IL7: variants seen among roughly 807,000 people sequenced by gnomAD.
IL7 encodes interleukin-7.
A neutral mutation model predicts 21.6 loss-of-function variants in IL7; 3 were observed. The observed-to-expected ratio is 0.14, with a 90% CI of 0.06 to 0.36. The LOEUF is 0.36. IL7 is among the 10% of genes least tolerant of loss of function. The probability of loss-of-function intolerance (pLI) is 1.00; values close to 1 mark genes in which losing one functional copy is unlikely to be tolerated. For synonymous variants in IL7, 62 were observed against 68.1 expected, an observed-to-expected ratio of 0.91 and a Z score of 0.44; for missense variants, 175 against 200.2, an observed-to-expected ratio of 0.87 and a Z score of 0.76.
At chr8:78,736,328 G>A (rs1441201956) in intron 5 of IL7, 146 bp downstream of exon 5, 11 of 472,318 alleles carry the variant, frequency 2.3e-5, no homozygotes, top group Admixed American at 4.2e-5. Context: ...AATTTTTGAG[G>A]GGCACCTCGC....
intron 3 of IL7, among the ~76,000 whole-genome samples, chr8:78,687,964 A>G (rs1031477288): frequency 6.9e-6 from 1 of 144,308 alleles, no homozygotes; most frequent in Non-Finnish European, 1.5e-5. Context: ...ATCTATATTT[A>G]TATATAAATA....
chr8:78,717,146 TAAAA>T (rs370508243), downstream of IL7, among the ~76,000 whole-genome samples: 254 of 151,450 alleles, frequency 1.7e-3, no homozygotes, highest in African/African-American at 5.4e-3. Context: ...AATATAATGT[TAAAA>T]AAAAATGTTA....
chr8:78,765,079 C>T (rs1237121519), intron 2 of IL7, among the ~76,000 whole-genome samples: 2 of 152,068 alleles, frequency 1.3e-5, no homozygotes, highest in African/African-American at 4.8e-5. Context: ...TAAAATGGAG[C>T]AGTCTCTTTT....
At chr8:78,692,868 C>G (rs1035161582) in intron 3 of IL7, among the ~76,000 whole-genome samples, 6 of 152,068 alleles carry the variant, frequency 3.9e-5, no homozygotes, top group African/African-American at 1.4e-4. Flanking sequence ...TCTCCTAATG[C>G]TATCCCTCCC....
chr8:78,774,435 T>A lies in IL7; in HGVS notation c.147+23637A>T, dbSNP rs189327132. 2.7e-4 allele frequency among the ~76,000 whole-genome samples: 41 copies of A among 152,274 alleles called. No homozygotes were observed. In the East Asian group the frequency reaches 7.5e-3, roughly 28 times the overall value. On this transcript the variant is annotated intron_variant, in intron 2 of 5. Transcript: ENST00000263851. Reference sequence around the variant, plus strand: ...ATCCCAAAAGTGTTTTGTACTAAATTTTATGTTAATAACAAAGGTGAACAT... The same window carrying A: ...ATCCCAAAAGTGTTTTGTACTAAATATTATGTTAATAACAAAGGTGAACAT...
At chr8:78,701,104 T>C (rs1262239881) in intron 3 of IL7, among the ~76,000 whole-genome samples, 4 of 152,242 alleles carry the variant, frequency 2.6e-5, no homozygotes, top group African/African-American at 9.6e-5. Context: ...TTTAACAATA[T>C]TGATTCTCCC....
At chr8:78,803,803 T>C (rs1814179817) in intron 1 of IL7, among the ~76,000 whole-genome samples, 1 of 152,206 alleles carries the variant, frequency 6.6e-6, no homozygotes, top group African/African-American at 2.4e-5. Flanking sequence ...AAGTCCTCCA[T>C]AATTACGTTG....
intron 2 of IL7, among the ~76,000 whole-genome samples, chr8:78,792,919 G>A (rs1813741321): frequency 6.6e-6 from 1 of 151,956 alleles, no homozygotes; most frequent in South Asian, 2.1e-4. Flanking sequence ...TGACTACTAG[G>A]AACATATCAA....
intron 3 of IL7, among the ~76,000 whole-genome samples, chr8:78,704,249 G>T (rs2130574337): frequency 6.6e-6 from 1 of 152,022 alleles, no homozygotes; most frequent in African/African-American, 2.4e-5. Context: ...TTAGCCGGGT[G>T]TGGTTGTGTG....
chr8:78,687,874 A>T (rs1218394451), intron 3 of IL7, among the ~76,000 whole-genome samples: 1 of 133,496 alleles, frequency 7.5e-6, no homozygotes, highest in Non-Finnish European at 1.6e-5. Flanking sequence ...CTATATAATA[A>T]ATATATATTT....
downstream of IL7, among the ~76,000 whole-genome samples, chr8:78,715,635 T>C (rs1483564020): frequency 6.6e-6 from 1 of 152,284 alleles, no homozygotes; most frequent in East Asian, 1.9e-4. Context: ...TTGAGGGACT[T>C]AAGACTTCAG....
intron 4 of IL7, chr8:78,679,359 C>G (rs912452214): frequency 1.3e-5 from 2 of 152,162 alleles, no homozygotes; most frequent in South Asian, 4.1e-4. Flanking sequence ...ACTCAAACTC[C>G]TTATGGCATA....
intron 3 of IL7, among the ~76,000 whole-genome samples, chr8:78,724,755 G>A (rs1811310809): frequency 1.3e-5 from 2 of 151,992 alleles, no homozygotes; most frequent in African/African-American, 2.4e-5. Context: ...CTCTGAGGCA[G>A]TCTATTCTCA....
At chr8:78,678,598 T>TA (rs1809661940) in intron 4 of IL7, 1 of 1,612,176 alleles carries the variant, frequency 6.2e-7, no homozygotes. Flanking sequence ...AGACTGCAAC[T>TA]AAAAAACGGA....
chr8:78,758,462 T>C (rs1812429300), intron 2 of IL7, among the ~76,000 whole-genome samples: 1 of 152,270 alleles, frequency 6.6e-6, no homozygotes, highest in South Asian at 2.1e-4. Context: ...TTCTTTCTTG[T>C]GCTTTCTAAA....
At chr8:78,790,836 C>T (rs985732183) in intron 2 of IL7, among the ~76,000 whole-genome samples, 3 of 151,074 alleles carry the variant, frequency 2.0e-5, no homozygotes, top group Non-Finnish European at 4.4e-5. Flanking sequence ...AACAAAAATC[C>T]CATGTTCATG....
chr8:78,744,727 G>C (rs758474594), intron 2 of IL7, among the ~76,000 whole-genome samples: 1 of 152,168 alleles, frequency 6.6e-6, no homozygotes, highest in Non-Finnish European at 1.5e-5. Context: ...TACAGTTCCT[G>C]GTTCTCCAAC....
chr8:78,751,351 A>C (rs1812164960), intron 2 of IL7, among the ~76,000 whole-genome samples: 1 of 152,196 alleles, frequency 6.6e-6, no homozygotes, highest in Non-Finnish European at 1.5e-5. Context: ...TGAAATATTC[A>C]AAATGTTAAG....
chr8:78,787,143 C>A (rs545501555), intron 2 of IL7, among the ~76,000 whole-genome samples: 1 of 152,258 alleles, frequency 6.6e-6, no homozygotes, highest in Admixed American at 6.5e-5. Flanking sequence ...TCCCCAAGTT[C>A]TGAGAGCTGC....
Sources: gnomAD v4.1 joint callset for allele counts (sites outside exome capture counted in the v4.1 genomes callset) on GRCh38, gnomAD v4.1.1 for gene constraint, MANE v1.5 for transcripts, NCBI Gene and HGNC (gene_info 2026-07-23, HGNC 2026-07-21) for gene names.